The following GLIS3 variants were observed in gnomAD, a reference collection of about 807,000 sequenced individuals.
GLIS3 encodes the protein GLIS family zinc finger 3.
Under a neutral mutation model 78.6 loss-of-function variants are expected in GLIS3, and 53 were observed. The observed-to-expected ratio is 0.67, with a 90% CI of 0.54 to 0.85. The LOEUF is 0.85. GLIS3 is among the 40% of genes least tolerant of loss of function. The pLI is 0.00. For missense variants in GLIS3, 1,703 were observed against 1,231.1 expected (o/e 1.38, Z -5.74); for synonymous variants, 684 against 509.9 (o/e 1.34, Z -4.60).
At chr9:4,467,009 C>T in the GLIS3 span, among the ~76,000 whole-genome samples, 2 of 152,236 alleles carry the variant, frequency 1.3e-5, no homozygotes, top group African/African-American at 4.8e-5. Flanking sequence ...CGGCGGGTCC[C>T]ATGCCCACGG....
intron 2 of GLIS3, among the ~76,000 whole-genome samples, chr9:4,311,237 C>T (rs7039501): frequency 0.081 from 12,271 of 152,092 alleles, 1,636 homozygotes; most frequent in African/African-American, 0.28. Flanking sequence ...GGCGAAACCC[C>T]GTCTCTACTA....
chr9:4,479,403 G>A, the GLIS3 span, among the ~76,000 whole-genome samples: 1 of 152,158 alleles, frequency 6.6e-6, no homozygotes, highest in Non-Finnish European at 1.5e-5. Context: ...CAGCTGTGAA[G>A]ATGTATTCTT....
intron 7 of GLIS3, among the ~76,000 whole-genome samples, chr9:3,889,574 C>A (rs951025193): frequency 6.6e-6 from 1 of 152,160 alleles, no homozygotes; most frequent in African/African-American, 2.4e-5. Context: ...ATACATTCTC[C>A]TCTTTAATTC....
chr9:4,238,446 C>T (rs1369180681), intron 2 of GLIS3, among the ~76,000 whole-genome samples: 2 of 152,170 alleles, frequency 1.3e-5, no homozygotes, highest in Non-Finnish European at 2.9e-5. Flanking sequence ...ATTCTAACTT[C>T]CTTCCTGAAA....
chr9:3,882,249 A>G (rs940475028), intron 7 of GLIS3, among the ~76,000 whole-genome samples: 6 of 152,210 alleles, frequency 3.9e-5, no homozygotes, highest in African/African-American at 1.4e-4. Flanking sequence ...GGGCTCAGTG[A>G]CTAGGACAGG....
intron 4 of GLIS3, among the ~76,000 whole-genome samples, chr9:3,966,790 A>C (rs545548633): frequency 2.6e-5 from 4 of 151,998 alleles, no homozygotes; most frequent in Admixed American, 1.3e-4. Flanking sequence ...AAAACAAAAA[A>C]CAAAAAACCC....
intron 2 of GLIS3, among the ~76,000 whole-genome samples, chr9:4,190,013 C>T (rs1399847442): frequency 1.3e-5 from 2 of 152,036 alleles, no homozygotes; most frequent in African/African-American, 4.8e-5. Flanking sequence ...AAAGGACATC[C>T]ACACCAAAAA....
chr9:4,379,403 TAAC>T, the GLIS3 span, among the ~76,000 whole-genome samples: 6 of 152,254 alleles, frequency 3.9e-5, no homozygotes, highest in African/African-American at 1.2e-4. Context: ...ATGCTAAAGA[TAAC>T]AACATATTGC....
chr9:3,980,458 C>G (rs1222764597), intron 4 of GLIS3, among the ~76,000 whole-genome samples: 2 of 152,110 alleles, frequency 1.3e-5, no homozygotes, highest in African/African-American at 2.4e-5. Context: ...AGCAGGCTGC[C>G]AAGTCATTTT....
At chr9:4,320,725 G>A (rs1817511142) in intron 2 of GLIS3, among the ~76,000 whole-genome samples, 1 of 151,788 alleles carries the variant, frequency 6.6e-6, no homozygotes, top group Non-Finnish European at 1.5e-5. Flanking sequence ...ATCACTGCCA[G>A]CACCCCGGGA....
At chr9:3,934,289 G>A (rs1357509215) in intron 5 of GLIS3, among the ~76,000 whole-genome samples, 1 of 152,124 alleles carries the variant, frequency 6.6e-6, no homozygotes, top group Non-Finnish European at 1.5e-5. Flanking sequence ...TATGCTTTGA[G>A]CATTAGAGGA....
intron 4 of GLIS3, among the ~76,000 whole-genome samples, chr9:4,103,119 G>C (rs1830496266): frequency 6.6e-6 from 1 of 152,140 alleles, no homozygotes; most frequent in African/African-American, 2.4e-5. Context: ...AAAACACAAA[G>C]TTTTGTTCCC....
chr9:4,021,963 T>G (rs1426719552), intron 4 of GLIS3, among the ~76,000 whole-genome samples: 1 of 152,188 alleles, frequency 6.6e-6, no homozygotes, highest in Non-Finnish European at 1.5e-5. Context: ...ACAAAACATG[T>G]TAAATAGCGG....
the GLIS3 span, among the ~76,000 whole-genome samples, chr9:4,369,515 G>A: frequency 6.6e-6 from 1 of 152,168 alleles, no homozygotes; most frequent in South Asian, 2.1e-4. Flanking sequence ...AAATTGTCTT[G>A]AGAGAACATG....
intron 2 of GLIS3, among the ~76,000 whole-genome samples, chr9:4,137,580 C>T (rs1833491888): frequency 1.4e-5 from 1 of 69,052 alleles, no homozygotes; most frequent in Admixed American, 1.3e-4. Context: ...CTGGGCACTC[C>T]CAGTAAGATG....
chr9:4,247,449 A>G (rs528529359), intron 2 of GLIS3, among the ~76,000 whole-genome samples: 24 of 152,202 alleles, frequency 1.6e-4, no homozygotes, highest in Non-Finnish European at 3.5e-4. Flanking sequence ...TAGATCTATA[A>G]ATACACCCTC....
chr9:4,435,947 T>TCAAAACAAAA, the GLIS3 span, among the ~76,000 whole-genome samples: 143 of 151,366 alleles, frequency 9.4e-4, no homozygotes, highest in Non-Finnish European at 1.5e-3. Context: ...AGACTCCGTC[T>TCAAAACAAAA]CAAAACAAAA....
chr9:3,959,380 AG>A (rs1375397132), intron 4 of GLIS3, among the ~76,000 whole-genome samples: 1 of 152,188 alleles, frequency 6.6e-6, no homozygotes, highest in East Asian at 1.9e-4. Flanking sequence ...GTTGTTTATA[AG>A]CCCCCTAGTC....
the GLIS3 span, among the ~76,000 whole-genome samples, chr9:4,475,947 C>A: frequency 6.6e-6 from 1 of 152,202 alleles, no homozygotes; most frequent in African/African-American, 2.4e-5. Context: ...TGGGGTCTTG[C>A]TATGTTAACC....
Sources: allele counts gnomAD v4.1 joint callset (sites outside exome capture counted in the v4.1 genomes callset), GRCh38; gene constraint gnomAD v4.1.1; transcripts MANE v1.5; gene names NCBI Gene and HGNC (gene_info 2026-07-23, HGNC 2026-07-21).